Variants in SIK3 observed in about 807,000 individuals in gnomAD.
SIK3 encodes serine/threonine-protein kinase SIK3.
SIK3 carries 28 observed loss-of-function variants against 144.2 expected under a neutral mutation model. That is an observed-to-expected ratio of 0.19 (90% CI 0.14 to 0.27). The LOEUF (loss-of-function observed/expected upper bound fraction) is 0.27. Ranked by LOEUF, SIK3 falls within the 10% of genes least tolerant of loss-of-function variation. SIK3 has a pLI of 1.00. For synonymous variants in SIK3, 686 were observed against 676.3 expected, an observed-to-expected ratio of 1.01 and a Z score of -0.22; for missense variants, 1,319 against 1,776.0, an observed-to-expected ratio of 0.74 and a Z score of 4.62.
intron 1 of SIK3, among the ~76,000 whole-genome samples, chr11:117,028,532 A>T (rs11216240): frequency 0.37 from 56,304 of 151,634 alleles, 12,729 homozygotes; most frequent in African/African-American, 0.64. Context: ...AGCCCTTAAC[A>T]ATTCCTATAG....
At chr11:116,960,360 TA>T (rs1368760074) in intron 1 of SIK3, among the ~76,000 whole-genome samples, 14 of 151,978 alleles carry the variant, frequency 9.2e-5, no homozygotes, top group African/African-American at 3.4e-4. Context: ...ACCTCATCTC[TA>T]CAAAAAATAA....
chr11:116,983,740 A>G (rs1339426294), intron 1 of SIK3, among the ~76,000 whole-genome samples: 1 of 152,114 alleles, frequency 6.6e-6, no homozygotes, highest in African/African-American at 2.4e-5. Context: ...GTGCCCCTGT[A>G]TCTACTGTAA....
intron 1 of SIK3, among the ~76,000 whole-genome samples, chr11:117,031,682 G>A (rs922152653): frequency 3.0e-5 from 4 of 135,038 alleles, no homozygotes; most frequent in Non-Finnish European, 4.7e-5. Context: ...CACCACACCC[G>A]GCTAATTTTT....
At chr11:116,971,255 G>A (rs1002596614) in intron 1 of SIK3, among the ~76,000 whole-genome samples, 7 of 152,156 alleles carry the variant, frequency 4.6e-5, no homozygotes, top group Admixed American at 2.6e-4. Context: ...AATGTGAAAC[G>A]GGCAACAAGT....
At chr11:117,018,718 TTA>T (rs1459080553) in intron 1 of SIK3, among the ~76,000 whole-genome samples, 7 of 150,604 alleles carry the variant, frequency 4.6e-5, no homozygotes, top group Admixed American at 6.6e-5. Context: ...TTTATTTTAT[TTA>T]TTTTTTTTTT....
At chr11:117,054,130 G>A (rs1304157837) in intron 1 of SIK3, among the ~76,000 whole-genome samples, 1 of 152,216 alleles carries the variant, frequency 6.6e-6, no homozygotes, top group East Asian at 1.9e-4. Context: ...TAAGACTAAA[G>A]AGAAAAGAGC....
chr11:116,880,109 C>G (rs1944469093), intron 6 of SIK3, among the ~76,000 whole-genome samples: 1 of 152,128 alleles, frequency 6.6e-6, no homozygotes, highest in Non-Finnish European at 1.5e-5. Context: ...TGCTTTAAAA[C>G]AGATTTTTTC....
chr11:116,977,947 G>A (rs1452620505), intron 1 of SIK3, among the ~76,000 whole-genome samples: 3 of 151,726 alleles, frequency 2.0e-5, no homozygotes, highest in South Asian at 2.1e-4. Flanking sequence ...AGCCGGGTGC[G>A]GTGGCTCACG....
chr11:117,044,318 A>C (rs1385091431), intron 1 of SIK3, among the ~76,000 whole-genome samples: 1 of 152,220 alleles, frequency 6.6e-6, no homozygotes, highest in Non-Finnish European at 1.5e-5. Context: ...AACCCATCTC[A>C]GTGATCATAG....
intron 1 of SIK3, among the ~76,000 whole-genome samples, chr11:116,960,696 G>A (rs1359325737): frequency 6.6e-6 from 1 of 152,148 alleles, no homozygotes; most frequent in Admixed American, 6.5e-5. Flanking sequence ...CTCCCTATCT[G>A]TAAAATGTGG....
chr11:117,032,383 T>C (rs1952299256), intron 1 of SIK3, among the ~76,000 whole-genome samples: 1 of 152,244 alleles, frequency 6.6e-6, no homozygotes, highest in African/African-American at 2.4e-5. Flanking sequence ...TATATACGTT[T>C]TGTTAGATAT....
chr11:116,889,544 G>A (rs888388342), intron 6 of SIK3, among the ~76,000 whole-genome samples: 1 of 152,142 alleles, frequency 6.6e-6, no homozygotes, highest in Non-Finnish European at 1.5e-5. Context: ...TCTAGCTTAG[G>A]TGACAGAGCA....
intron 21 of SIK3, among the ~76,000 whole-genome samples, chr11:116,855,083 CAAA>C (rs528405922): frequency 1.2e-4 from 10 of 82,152 alleles, no homozygotes; most frequent in African/African-American, 5.8e-4. Context: ...GAGACTCTGC[CAAA>C]AAAAAAAAAA....
intron 1 of SIK3, among the ~76,000 whole-genome samples, chr11:116,984,348 C>CT (rs2135528824): frequency 1.3e-5 from 2 of 152,250 alleles, no homozygotes; most frequent in African/African-American, 4.8e-5. Flanking sequence ...GCAATATGAC[C>CT]TTTTAGCTCA....
intron 1 of SIK3, among the ~76,000 whole-genome samples, chr11:117,013,955 A>ATTTTTTTTTTTT (rs1951402523): frequency 1.0e-4 from 1 of 9,930 alleles, no homozygotes; most frequent in Non-Finnish European, 2.4e-4. Context: ...TGTGTGTTTT[A>ATTTTTTTTTTTT]TTTCTTTTTT....
intron 1 of SIK3, among the ~76,000 whole-genome samples, chr11:117,077,726 A>G (rs4938336): frequency 0.16 from 25,083 of 152,176 alleles, 2,189 homozygotes; most frequent in Admixed American, 0.21. Context: ...AAAAAATTGT[A>G]ATACAACTAA....
chr11:117,022,842 A>C (rs1951833763), intron 1 of SIK3, among the ~76,000 whole-genome samples: 1 of 152,314 alleles, frequency 6.6e-6, no homozygotes, highest in South Asian at 2.1e-4. Context: ...GTTAAAAAAA[A>C]AAAAAAGGTA....
intron 1 of SIK3, among the ~76,000 whole-genome samples, chr11:117,039,965 T>C (rs1952669596): frequency 6.6e-6 from 1 of 152,180 alleles, no homozygotes; most frequent in Admixed American, 6.5e-5. Flanking sequence ...ATAAACACAG[T>C]GACTAAACAC....
At chr11:117,013,915 GGTGTGT>G (rs71037441) in intron 1 of SIK3, among the ~76,000 whole-genome samples, 1 of 23,618 alleles carries the variant, frequency 4.2e-5, no homozygotes, top group African/African-American at 8.7e-5. Context: ...GGGGGGGGAG[GGTGTGT>G]GTGTGTGTGT....
Sources: allele counts gnomAD v4.1 joint callset (sites outside exome capture counted in the v4.1 genomes callset), GRCh38; gene constraint gnomAD v4.1.1; transcripts MANE v1.5; gene names NCBI Gene and HGNC (gene_info 2026-07-23, HGNC 2026-07-21).